TRPM8: variants seen among roughly 807,000 people sequenced by gnomAD.
The protein encoded by TRPM8 is TRPM8 cationic channel.
A neutral mutation model predicts 133.7 loss-of-function variants in TRPM8; 110 were observed. The observed-to-expected ratio is 0.82, with a 90% confidence interval of 0.70 to 0.96. The LOEUF (loss-of-function observed/expected upper bound fraction) is 0.96, where lower values mean the gene tolerates loss of function less well. Ranked by LOEUF, TRPM8 falls within the 40% of genes least tolerant of loss-of-function variation. The pLI, the probability that TRPM8 is intolerant of heterozygous loss-of-function variation, is 0.00. For synonymous variants in TRPM8, 535 were observed against 532.3 expected (o/e 1.01, Z -0.07); for missense variants, 1,291 against 1,379.5 (o/e 0.94, Z 1.02).
intron 22 of TRPM8, among the ~76,000 whole-genome samples, chr2:233,999,600 C>T (rs937730284): frequency 2.6e-5 from 4 of 152,198 alleles, no homozygotes; most frequent in Non-Finnish European, 5.9e-5. Context: ...GAATGCCTCC[C>T]CCACCCAATG....
intron 15 of TRPM8, among the ~76,000 whole-genome samples, chr2:233,968,884 C>T (rs952118286): frequency 1.3e-5 from 2 of 151,986 alleles, no homozygotes; most frequent in Non-Finnish European, 2.9e-5. Context: ...CTTTTACATG[C>T]ATTTCAGCCT....
chr2:233,971,265 T>C (rs1175755956), intron 17 of TRPM8, among the ~76,000 whole-genome samples: 3 of 152,218 alleles, frequency 2.0e-5, no homozygotes, highest in Non-Finnish European at 2.9e-5. Context: ...GTGCTGTTCT[T>C]GCCCTTACAG....
intron 5 of TRPM8, among the ~76,000 whole-genome samples, chr2:233,940,702 T>C (rs922622708): frequency 3.9e-5 from 6 of 152,214 alleles, no homozygotes; most frequent in Non-Finnish European, 8.8e-5. Flanking sequence ...TATGAAGCCA[T>C]ACCCGCTGTA....
chr2:233,979,114 T>C (rs1482338854), intron 17 of TRPM8, among the ~76,000 whole-genome samples: 1 of 152,160 alleles, frequency 6.6e-6, no homozygotes, highest in Non-Finnish European at 1.5e-5. Context: ...AATATCTAAA[T>C]ATCAGATGGA....
intron 1 of TRPM8, among the ~76,000 whole-genome samples, chr2:233,922,091 GTC>G (rs1186773159): frequency 4.5e-5 from 6 of 134,146 alleles, no homozygotes; most frequent in African/African-American, 2.2e-4. Context: ...AGTCGCAAGG[GTC>G]TCTGTCTCCA....
At chr2:234,005,143 T>C (rs1692661241) in intron 22 of TRPM8, among the ~76,000 whole-genome samples, 1 of 152,208 alleles carries the variant, frequency 6.6e-6, no homozygotes, top group African/African-American at 2.4e-5. Context: ...TATGCACCTC[T>C]TAAGTCTTTG....
chr2:234,011,903 C>T (rs1198756059), intron 24 of TRPM8, among the ~76,000 whole-genome samples: 2 of 96,422 alleles, frequency 2.1e-5, no homozygotes, highest in African/African-American at 9.1e-5. Flanking sequence ...GGAGACAGAG[C>T]GAGACTGTCT....
At chr2:234,004,659 TA>T (rs1692649631) in intron 22 of TRPM8, among the ~76,000 whole-genome samples, 1 of 152,252 alleles carries the variant, frequency 6.6e-6, no homozygotes, top group African/African-American at 2.4e-5. Context: ...TGCTTTTTCA[TA>T]AAATGTATTA....
intron 11 of TRPM8, 31 bp downstream of exon 11, chr2:233,955,281 G>A (rs748547738): frequency 1.9e-6 from 3 of 1,557,098 alleles, no homozygotes; most frequent in Non-Finnish European, 2.7e-6. Flanking sequence ...GGTTATTCCA[G>A]TGTTGGGTCT....
intron 17 of TRPM8, among the ~76,000 whole-genome samples, chr2:233,973,609 C>T (rs764431632): frequency 3.9e-5 from 6 of 152,226 alleles, no homozygotes; most frequent in African/African-American, 7.2e-5. Context: ...AACAATGTCA[C>T]ATGCCAAGGT....
chr2:233,923,034 A>AT (rs1234015317), intron 1 of TRPM8, among the ~76,000 whole-genome samples: 2 of 151,544 alleles, frequency 1.3e-5, no homozygotes, highest in Non-Finnish European at 1.5e-5. Context: ...CGCCTGGCTA[A>AT]TTTTTTTTGT....
intron 19 of TRPM8, 27 bp from the exon 20 acceptor site, chr2:233,983,026 C>T (rs201761702): frequency 3.3e-5 from 53 of 1,601,064 alleles, no homozygotes; most frequent in Non-Finnish European, 5.1e-6. Context: ...ACGGTCCTGA[C>T]TCCGCTCTCC....
At chr2:234,014,680 T>A in intron 25 of TRPM8, 26 bp downstream of exon 25, 1 of 860,990 alleles carries the variant, frequency 1.2e-6, no homozygotes, top group Non-Finnish European at 1.8e-6. Context: ...AGCTTTTTAC[T>A]TTGCTCTGAA....
At position 233,985,798 on chromosome 2, in the gene TRPM8, C is replaced by G; in HGVS notation, c.2872C>G (p.Pro958Ala). The change falls in exon 21 of 26, where the codon CCC becomes GCC. Residue 958 changes from proline (P) to alanine (A), a missense_variant. By Grantham distance (27) the Pro-to-Ala change is conservative. Transcript: ENST00000324695. ...LPRFPEWITI[P>A]LVCIYMLSTN... ...CCGGTTCCCCGAGTGGATCACCATC[C>G]CCCTGGTGTGCATCTACATGTTATC... 1 of 1,614,198 alleles carries G rather than the reference C, an allele frequency of 6.2e-7. No homozygotes were observed. The highest frequency in any genetic ancestry group is 1.1e-5 in the South Asian group (1 of 91,078).
chr2:233,938,901 G>A, intron 4 of TRPM8, 97 bp from the exon 5 acceptor site: 3 of 1,383,284 alleles, frequency 2.2e-6, no homozygotes, highest in Non-Finnish European at 3.0e-6. Flanking sequence ...TCTTCTAGAA[G>A]CAGGCAAGCG....
At chr2:233,918,895 C>T (rs544843394) in intron 1 of TRPM8, among the ~76,000 whole-genome samples, 169 of 152,230 alleles carry the variant, frequency 1.1e-3, no homozygotes, top group Middle Eastern at 3.4e-3. Flanking sequence ...GTTATACTCA[C>T]CATTTTCATG....
At chr2:233,922,896 T>A (rs886682388) in intron 1 of TRPM8, among the ~76,000 whole-genome samples, 3 of 152,136 alleles carry the variant, frequency 2.0e-5, no homozygotes, top group Admixed American at 6.6e-5. Context: ...TGAAACAGAG[T>A]CTCGCTCTGT....
Position 233,960,850 on chromosome 2 carries a change from G to A in TRPM8, c.1437G>A (p.Glu479=), listed in dbSNP as rs533074694. 4 of 1,614,072 alleles carry A rather than the reference G, an allele frequency of 2.5e-6. No individual in the cohort carries two copies. Among genetic ancestry groups the A allele is most frequent in the Non-Finnish European group, 3.4e-6 (4 of 1,180,044 alleles). ...CCAAGTTTGTCCGCCTCTTTCTGGA[G>A]AATGGCTTGAACCTACGGAAGTTTC... The part of the protein sequence containing the change: ...DRPKFVRLFL[E]NGLNLRKFLT... The change falls in exon 12 of 26, where the codon GAG becomes GAA. Residue 479 remains glutamate, a synonymous_variant. Coordinates refer to ENST00000324695, the MANE Select transcript of TRPM8 (RefSeq NM_024080.5).
At position 233,961,055 on chromosome 2, in the gene TRPM8, A is replaced by G. The variant is rs200180972; in HGVS notation, c.1642A>G (p.Ile548Val). 2.3e-5 allele frequency: 37 copies of G among 1,613,698 alleles called. No individual in the cohort carries two copies. Among genetic ancestry groups the G allele is most frequent in the Non-Finnish European group, 3.1e-5 (37 of 1,179,968 alleles). Residue 548 changes from isoleucine to valine, a missense_variant, in exon 12 of 26, where the codon ATA becomes GTA. By Grantham distance (29) the Ile-to-Val change is conservative. Transcript: ENST00000324695. ...CAGAAATGGCCGGGACGAGATGGAC[A>G]TAGAACTCCACGTAGGTACTGGGAG... ...EDRNGRDEMD[I>V]ELHDVSPITR...
Sources: gnomAD v4.1 joint callset for allele counts (sites outside exome capture counted in the v4.1 genomes callset) on GRCh38, gnomAD v4.1.1 for gene constraint, MANE v1.5 for transcripts, NCBI Gene and HGNC (gene_info 2026-07-23, HGNC 2026-07-21) for gene names.